The following MSH4 variants were observed in gnomAD, a reference collection of about 807,000 sequenced individuals.
MSH4 encodes mutS protein homolog 4.
In MSH4, 106 loss-of-function variants were observed where a neutral mutation model predicts 113.7. That is an observed-to-expected ratio of 0.93 (90% CI 0.80 to 1.10). MSH4 has a LOEUF of 1.10. MSH4 is among the 50% of genes least tolerant of loss of function. The pLI is 0.00. For synonymous variants in MSH4, 368 were observed against 380.2 expected (o/e 0.97, Z 0.37); for missense variants, 1,061 against 1,093.7 (o/e 0.97, Z 0.42).
intron 6 of MSH4, among the ~76,000 whole-genome samples, 188 bp downstream of exon 6, chr1:75,816,734 C>T (rs1399691294): frequency 2.0e-5 from 3 of 152,126 alleles, no homozygotes; most frequent in African/African-American, 7.2e-5. Context: ...TCAAGCAATT[C>T]TTCTGTCTCA....
At chr1:75,845,562 G>C (rs895649391) in intron 7 of MSH4, among the ~76,000 whole-genome samples, 2 of 152,192 alleles carry the variant, frequency 1.3e-5, no homozygotes, top group African/African-American at 4.8e-5. Context: ...TCCCACATCA[G>C]GGGCACAGTG....
rs1194521647 is a variant in MSH4 at position 75,880,075 on chromosome 1, G to T, written c.1703G>T (p.Ser568Ile). Reference sequence around the variant, plus strand: ...ATTTCTAAAGTGAAAAATTCTTACAGCTTTACATCAGCAGATTTAATTAAA... The same window carrying T: ...ATTTCTAAAGTGAAAAATTCTTACATCTTTACATCAGCAGATTTAATTAAA... ...IKISKVKNSY[S>I]FTSADLIKMN... The change falls in exon 13 of 20, where the codon AGC becomes ATC. Residue 568 changes from serine (S) to isoleucine (I), a missense_variant. By Grantham distance (142) the Ser-to-Ile change is moderately radical. Transcript: ENST00000263187. The T allele has an allele frequency of 6.3e-7, 1 of 1,593,460 alleles. No individual in the cohort carries two copies. Among genetic ancestry groups the T allele is most frequent in the East Asian group, 2.2e-5 (1 of 44,482 alleles).
chr1:75,885,066 T>TATAC (rs1307407515), intron 15 of MSH4, among the ~76,000 whole-genome samples: 1 of 143,312 alleles, frequency 7.0e-6, no homozygotes, highest in African/African-American at 2.6e-5. Flanking sequence ...TGTGTATATA[T>TATAC]ATATATATAC....
intron 9 of MSH4, among the ~76,000 whole-genome samples, chr1:75,875,249 G>A (rs569975815): frequency 6.6e-6 from 1 of 152,248 alleles, no homozygotes; most frequent in African/African-American, 2.4e-5. Context: ...ATCAATGGAT[G>A]ATGAAATAGA....
Position 75,912,850 on chromosome 1 carries a change from C to A in MSH4, c.2774C>A (p.Pro925His). The change falls in exon 20 of 20, where the codon CCC (proline) becomes CAC (histidine). Residue 925 changes from proline (P) to histidine (H), a missense_variant. Coordinates refer to ENST00000263187, the MANE Select transcript of MSH4 (RefSeq NM_002440.4). ...AAGAAGAAGTACAAAGAAGATTTTC[C>A]CAGGACTGAACAAGTTCCAGAAAAG... The part of the protein sequence containing the change: ...NLKKKYKEDF[P>H]RTEQVPEKTE... The A allele has an allele frequency of 6.4e-7, 1 of 1,560,748 alleles. No homozygotes were observed. Among genetic ancestry groups the A allele is most frequent in the East Asian group, 2.4e-5 (1 of 41,034 alleles).
In MSH4 at chr1:75,854,011, G is replaced by GTATATATA. The variant is rs72458089; in HGVS notation, c.1230+5736_1230+5737insATATATAT. ...TCATGGCTAGGGCATAAGTGTGTGT[G>GTATATATA]TGTATATATATATATATGCATAAAT... On this transcript the variant is annotated intron_variant, in intron 8 of 19. Transcript: ENST00000263187. Among the ~76,000 whole-genome samples the GTATATATA allele has an allele frequency of 7.4e-4, 83 of 112,122 alleles. 3 individuals carry two copies. Among genetic ancestry groups the GTATATATA allele is most frequent in the African/African-American group, 9.8e-4 (35 of 35,752 alleles). 73.6% of individuals were successfully genotyped at this position (112,122 alleles called of 152,430 possible).
chr1:75,895,376 G>T (rs1288864387), intron 17 of MSH4, among the ~76,000 whole-genome samples: 2 of 152,276 alleles, frequency 1.3e-5, no homozygotes, highest in East Asian at 3.9e-4. Flanking sequence ...ACTATGAATG[G>T]CCAAGACCTT....
intron 17 of MSH4, among the ~76,000 whole-genome samples, chr1:75,891,217 A>G (rs1489320197): frequency 2.0e-5 from 3 of 152,186 alleles, no homozygotes; most frequent in African/African-American, 7.2e-5. Flanking sequence ...TACCTACCTA[A>G]GTAAATTTTA....
Position 75,880,123 on chromosome 1 carries a change from C to G in MSH4, c.1751C>G (p.Ser584Cys), listed in dbSNP as rs780475342. 2.5e-6 allele frequency: 4 copies of G among 1,586,776 alleles called. No homozygotes were observed. The East Asian group carries it at 9.0e-5, about 36-fold the overall frequency. The change falls in exon 13 of 20, where the codon TCT (serine) becomes TGT (cysteine). Residue 584 changes from serine (S) to cysteine (C), a missense_variant. Coordinates refer to ENST00000263187, the MANE Select transcript of MSH4 (RefSeq NM_002440.4). ...AAAATGAATGAAAGATGCCAAGAAT[C>G]TTTGAGAGAAATCTATCACATGACT... ...LIKMNERCQE[S>C]LREIYHMTYM...
At chr1:75,889,479 T>C in intron 16 of MSH4, 110 bp downstream of exon 16, 1 of 506,624 alleles carries the variant, frequency 2.0e-6, no homozygotes, top group Non-Finnish European at 3.6e-6. Flanking sequence ...GCTTATACCC[T>C]TTTCTAAGAG....
At chr1:75,910,534 A>G (rs1557536541) in intron 19 of MSH4, among the ~76,000 whole-genome samples, 1 of 151,870 alleles carries the variant, frequency 6.6e-6, no homozygotes, top group Non-Finnish European at 1.5e-5. Context: ...CTTCCTCCCA[A>G]AGTGCTGGGA....
At chr1:75,851,142 A>G (rs35789801) in intron 8 of MSH4, among the ~76,000 whole-genome samples, 6,985 of 151,904 alleles carry the variant, frequency 0.046, 194 homozygotes, top group African/African-American at 0.061. Flanking sequence ...ATCAGAGAAT[A>G]CCTTACTTTT....
intron 19 of MSH4, among the ~76,000 whole-genome samples, chr1:75,909,582 C>T (rs1652743610): frequency 6.6e-6 from 1 of 151,886 alleles, no homozygotes; most frequent in South Asian, 2.1e-4. Context: ...ATCAACCCGT[C>T]ATCTAGGTTT....
intron 7 of MSH4, among the ~76,000 whole-genome samples, chr1:75,824,341 T>G (rs540848785): frequency 6.6e-6 from 1 of 152,300 alleles, no homozygotes; most frequent in African/African-American, 2.4e-5. Context: ...CTTGTAAATG[T>G]TTTTAAGTTC....
At chr1:75,866,574 A>G (rs1333490724) in intron 8 of MSH4, among the ~76,000 whole-genome samples, 2 of 152,210 alleles carry the variant, frequency 1.3e-5, no homozygotes, top group Admixed American at 6.5e-5. Context: ...AGAACATGAC[A>G]TAACCCATTT....
intron 6 of MSH4, among the ~76,000 whole-genome samples, chr1:75,819,659 T>C (rs2100517916): frequency 6.6e-6 from 1 of 152,358 alleles, no homozygotes; most frequent in East Asian, 1.9e-4. Flanking sequence ...TTTTTACATG[T>C]ATTATATGAA....
At chr1:75,886,533 ATATT>A (rs1652116792) in intron 15 of MSH4, among the ~76,000 whole-genome samples, 1 of 117,320 alleles carries the variant, frequency 8.5e-6, no homozygotes, top group African/African-American at 3.3e-5. Flanking sequence ...TGTATTATAT[ATATT>A]ATTATCTATT....
chr1:75,861,178 GT>G (rs1651447594), intron 8 of MSH4, among the ~76,000 whole-genome samples: 1 of 151,618 alleles, frequency 6.6e-6, no homozygotes, highest in African/African-American at 2.4e-5. Context: ...TTTTTTCAAG[GT>G]TTTTAGCTTC....
chr1:75,816,327 T>C, intron 5 of MSH4, 46 bp from the exon 6 acceptor site: 1 of 1,264,746 alleles, frequency 7.9e-7, no homozygotes, highest in African/African-American at 1.5e-5. Context: ...ATAGATAATT[T>C]TTTATATTAA....
Sources: allele counts gnomAD v4.1 joint callset (sites outside exome capture counted in the v4.1 genomes callset), GRCh38; gene constraint gnomAD v4.1.1; transcripts MANE v1.5; gene names NCBI Gene and HGNC (gene_info 2026-07-23, HGNC 2026-07-21).